Variants in PRKN observed in about 807,000 individuals in gnomAD.
PRKN encodes the protein E3 ubiquitin-protein ligase parkin.
A neutral mutation model predicts 59.5 loss-of-function variants in PRKN; 56 were observed. That is an observed-to-expected ratio of 0.94 (90% CI 0.76 to 1.18). PRKN has a LOEUF of 1.18. PRKN is among the 50% of genes most tolerant of loss of function. PRKN has a pLI of 0.00. For synonymous variants in PRKN, 250 were observed against 222.1 expected (o/e 1.13, Z -1.12); for missense variants, 657 against 596.4 (o/e 1.10, Z -1.06).
intron 4 of PRKN, among the ~76,000 whole-genome samples, chr6:162,087,488 C>A (rs1417851687): frequency 6.6e-6 from 1 of 151,814 alleles, no homozygotes; most frequent in African/African-American, 2.4e-5. Flanking sequence ...CAGAAACGAG[C>A]ACCTACTTTA....
At chr6:162,441,503 A>G (rs756748992) in intron 2 of PRKN, among the ~76,000 whole-genome samples, 1 of 152,216 alleles carries the variant, frequency 6.6e-6, no homozygotes, top group Non-Finnish European at 1.5e-5. Flanking sequence ...TTAAAACTTC[A>G]TAATATTTTC....
At chr6:161,553,896 T>C (rs765916030) in intron 8 of PRKN, among the ~76,000 whole-genome samples, 3 of 152,234 alleles carry the variant, frequency 2.0e-5, no homozygotes, top group Non-Finnish European at 4.4e-5. Flanking sequence ...CTATCTGCTA[T>C]GGAAAATTAC....
In PRKN at chr6:162,201,245, T is replaced by A. The variant is rs772022432; in HGVS notation, c.420A>T (p.Arg140Ser). Reference sequence around the variant, plus strand: ...ACACATAAAAGCTGTTGTAGATTGATCTACCTGCTGGAGAAGAAAAAGCAG... The same window carrying A: ...ACACATAAAAGCTGTTGTAGATTGAACTACCTGCTGGAGAAGAAAAAGCAG... ...DSPPAGSPAG[R>S]SIYNSFYVYC... Residue 140 changes from arginine to serine, a missense_variant, in exon 4 of 12, where the codon AGA (arginine) becomes AGT (serine). Transcript: ENST00000366898. 6.8e-6 allele frequency: 11 copies of A among 1,613,812 alleles called. No individual in the cohort carries two copies. The African/African-American group carries it at 1.3e-4, about 20-fold the overall frequency.
chr6:162,157,334 C>T (rs1006285761), intron 4 of PRKN, among the ~76,000 whole-genome samples: 1 of 151,212 alleles, frequency 6.6e-6, no homozygotes, highest in African/African-American at 2.4e-5. Context: ...GCCTTCATGC[C>T]CTTCTCCTCT....
chr6:162,561,147 G>A (rs1473394401), intron 1 of PRKN, among the ~76,000 whole-genome samples: 4 of 152,152 alleles, frequency 2.6e-5, no homozygotes, highest in African/African-American at 9.7e-5. Context: ...CAAGCGCATG[G>A]AGTGATGAAG....
chr6:162,574,764 G>GTTTTTTTT lies in PRKN; in HGVS notation c.8-131292_8-131291insAAAAAAAA, dbSNP rs371613068. Among the ~76,000 whole-genome samples, 29 of 86,316 alleles carry GTTTTTTTT rather than the reference G, an allele frequency of 3.4e-4. 1 individual carries two copies. Among genetic ancestry groups the GTTTTTTTT allele is most frequent in the East Asian group, 6.8e-4 (3 of 4,400 alleles). The allele number at this position is 86,316 out of a possible 152,430, so 56.6% of individuals were successfully genotyped here. A position where few individuals can be genotyped will look rare whatever the true frequency, so the allele number is the denominator to read the frequency against. On this transcript the variant is annotated intron_variant, in intron 1 of 11. Transcript: ENST00000366898. ...CTTCAACAGCAGTGAATGATACTAA[G>GTTTTTTTT]TTGTTTTTTTTTTTTGCTGATTTGA...
chr6:162,003,221 A>T (rs1049852976), intron 5 of PRKN, among the ~76,000 whole-genome samples: 2 of 152,000 alleles, frequency 1.3e-5, no homozygotes, highest in Non-Finnish European at 2.9e-5. Context: ...AAAAAAAAAA[A>T]AAAAAATTTG....
chr6:162,718,154 T>C (rs1250300300), intron 1 of PRKN, among the ~76,000 whole-genome samples: 1 of 151,962 alleles, frequency 6.6e-6, no homozygotes, highest in Non-Finnish European at 1.5e-5. Context: ...CACATATTTG[T>C]CCATCTTAGA....
chr6:162,369,507 C>T (rs1266222838), intron 2 of PRKN, among the ~76,000 whole-genome samples: 1 of 152,142 alleles, frequency 6.6e-6, no homozygotes, highest in African/African-American at 2.4e-5. Context: ...GTGGGTGATA[C>T]AATTGTACAC....
intron 5 of PRKN, among the ~76,000 whole-genome samples, chr6:162,038,536 C>A (rs1483962615): frequency 1.3e-5 from 2 of 152,184 alleles, no homozygotes; most frequent in Non-Finnish European, 1.5e-5. Flanking sequence ...GCAAAGGTTT[C>A]ATCTGGGGCC....
chr6:162,044,271 C>T lies in PRKN; in HGVS notation c.618+9820G>A, dbSNP rs560599431. On this transcript the variant is annotated intron_variant, in intron 5 of 11. Coordinates refer to ENST00000366898, the MANE Select transcript of PRKN (RefSeq NM_004562.3). ...CAACATGCTGAGATTACGCCTATTA[C>T]GCTAATGAACTTCTACAGGAACGAA... is the stretch of plus-strand genomic sequence containing the variant. Among the ~76,000 whole-genome samples, 219 of 152,310 alleles carry T rather than the reference C, an allele frequency of 1.4e-3. 2 individuals carry two copies. Among genetic ancestry groups the T allele is most frequent in the African/African-American group, 5.1e-3 (213 of 41,572 alleles).
At chr6:162,324,158 TA>T (rs1783163402) in intron 2 of PRKN, among the ~76,000 whole-genome samples, 1 of 152,072 alleles carries the variant, frequency 6.6e-6, no homozygotes, top group African/African-American at 2.4e-5. Context: ...TTAAAATAAT[TA>T]TGTTTAATAA....
intron 7 of PRKN, among the ~76,000 whole-genome samples, chr6:161,782,668 C>A (rs1346277839): frequency 6.6e-6 from 1 of 150,412 alleles, no homozygotes; most frequent in Non-Finnish European, 1.5e-5. Context: ...CTGAGGTGGG[C>A]GGATCACCTG....
chr6:162,461,530 A>G (rs1791175712), intron 1 of PRKN, among the ~76,000 whole-genome samples: 2 of 121,390 alleles, frequency 1.6e-5, no homozygotes, highest in South Asian at 5.4e-4. Context: ...AAAAAAAAAG[A>G]AAGAAAAAGA....
chr6:162,327,996 C>T (rs1186009428), intron 2 of PRKN, among the ~76,000 whole-genome samples: 1 of 152,102 alleles, frequency 6.6e-6, no homozygotes, highest in Non-Finnish European at 1.5e-5. Flanking sequence ...TTTACGTGGG[C>T]AGGGCAAGCG....
chr6:162,098,488 A>G (rs567883473), intron 4 of PRKN, among the ~76,000 whole-genome samples: 12 of 152,258 alleles, frequency 7.9e-5, no homozygotes, highest in African/African-American at 2.9e-4. Flanking sequence ...AGTCTAAGCT[A>G]TTTGGACACT....
At chr6:161,747,951 G>A (rs559844990) in intron 7 of PRKN, among the ~76,000 whole-genome samples, 1 of 152,298 alleles carries the variant, frequency 6.6e-6, no homozygotes, top group South Asian at 2.1e-4. Flanking sequence ...TAACCTAAAT[G>A]AGGTGGATTA....
chr6:162,366,465 T>C (rs989233462), intron 2 of PRKN, among the ~76,000 whole-genome samples: 1 of 152,192 alleles, frequency 6.6e-6, no homozygotes, highest in Non-Finnish European at 1.5e-5. Flanking sequence ...GGTGGACATT[T>C]CTTTAAATTT....
chr6:161,752,325 G>A (rs770303468), intron 7 of PRKN, among the ~76,000 whole-genome samples: 9 of 152,076 alleles, frequency 5.9e-5, no homozygotes, highest in Admixed American at 2.0e-4. Flanking sequence ...CCGAGATCGC[G>A]CCACTGCACT....
Sources: allele counts gnomAD v4.1 joint callset (sites outside exome capture counted in the v4.1 genomes callset), GRCh38; gene constraint gnomAD v4.1.1; transcripts MANE v1.5; gene names NCBI Gene and HGNC (gene_info 2026-07-23, HGNC 2026-07-21).